Variants in DNAJB12 observed in about 807,000 individuals in gnomAD.
DNAJB12 encodes dnaJ homolog subfamily B member 12.
In DNAJB12, 14 loss-of-function variants were observed where a neutral mutation model predicts 40.6. The observed-to-expected ratio is 0.34, with a 90% CI of 0.23 to 0.54. The LOEUF (loss-of-function observed/expected upper bound fraction) is 0.54. DNAJB12 is among the 20% of genes least tolerant of loss of function. DNAJB12 has a pLI of 0.92. For synonymous variants in DNAJB12, 181 were observed against 199.5 expected (o/e 0.91, Z 0.78); for missense variants, 444 against 501.7 (o/e 0.89, Z 1.10).
chr10:72,347,630 G>A (rs1861825244), intron 1 of DNAJB12, among the ~76,000 whole-genome samples: 1 of 152,208 alleles, frequency 6.6e-6, no homozygotes, highest in Non-Finnish European at 1.5e-5. Context: ...TGAAAACCAA[G>A]CCCGGCTGGG....
In DNAJB12 at chr10:72,333,370, C is replaced by T. The variant is rs1861370302; in HGVS notation, c.*1278G>A. ...GGCAAGTGCTGTTTTAAGCAAAATCCTCATTTCAATGTGAGGGTAAGAAAA... is the reference window on the plus strand; with the variant it reads ...GGCAAGTGCTGTTTTAAGCAAAATCTTCATTTCAATGTGAGGGTAAGAAAA... On this transcript the variant is annotated 3_prime_UTR_variant, in exon 9 of 9. Transcript: ENST00000444643. 2 of 152,216 alleles carry T rather than the reference C, an allele frequency of 1.3e-5. No individual in the cohort carries two copies. Among genetic ancestry groups the T allele is most frequent in the African/African-American group, 2.4e-5 (1 of 41,440 alleles). The allele number at this position is 152,216 out of a possible 1,614,324, so 9.4% of individuals were successfully genotyped here. A position where few individuals can be genotyped will look rare whatever the true frequency, so the allele number is the denominator to read the frequency against.
At chr10:72,345,276 A>G in intron 1 of DNAJB12, 149 bp from the exon 2 acceptor site, 1 of 890,522 alleles carries the variant, frequency 1.1e-6, no homozygotes, top group Non-Finnish European at 1.7e-6. Flanking sequence ...GGGGACAGTC[A>G]TCTGCTCTCT....
chr10:72,345,393 G>C (rs1221056470), intron 1 of DNAJB12, among the ~76,000 whole-genome samples: 1 of 152,106 alleles, frequency 6.6e-6, no homozygotes, highest in Non-Finnish European at 1.5e-5. Context: ...CCTGAGGTCA[G>C]GAGTTTGAGA....
At position 72,343,411 on chromosome 10, in the gene DNAJB12, G is replaced by T; in HGVS notation, c.412C>A (p.His138Asn). 1 of 1,614,118 alleles carries T rather than the reference G, an allele frequency of 6.2e-7. No individual in the cohort carries two copies. Among genetic ancestry groups the T allele is most frequent in the East Asian group, 2.2e-5 (1 of 44,882 alleles). The change falls in exon 3 of 9, where the codon CAC becomes AAC. Residue 138 changes from histidine (H) to asparagine (N), a missense_variant. Transcript: ENST00000444643. ...CCAGGTGCGTGGTTCTTGTCTGGGT[G>T]GAATTTGAGGGCCAGTCTGCGGTAG... ...KAYRRLALKFHPDKNHAPGAT... is the reference protein window; with the variant it reads ...KAYRRLALKFNPDKNHAPGAT...
intron 3 of DNAJB12, among the ~76,000 whole-genome samples, chr10:72,341,726 C>T (rs887939072): frequency 6.6e-5 from 10 of 152,176 alleles, no homozygotes; most frequent in African/African-American, 1.2e-4. Flanking sequence ...CCCACCTTGG[C>T]CTCCCAAAGT....
intron 1 of DNAJB12, among the ~76,000 whole-genome samples, 181 bp downstream of exon 1, chr10:72,354,584 G>T (rs932697329): frequency 1.3e-5 from 2 of 152,164 alleles, no homozygotes; most frequent in Non-Finnish European, 2.9e-5. Context: ...CAGACGGCTC[G>T]CATCCCGCAG....
Position 72,343,320 on chromosome 10 carries a change from C to CA in DNAJB12, c.457+45dup, listed in dbSNP as rs760989454. ...TTGGTCCCTTACTCCCTGCCATGGA[C>CA]AGGAGATGAACACACCAAAATGCTA... On this transcript the variant is annotated intron_variant, in intron 3 of 8. Transcript: ENST00000444643. 1.3e-5 allele frequency: 21 copies of CA among 1,589,158 alleles called. 1 individual carries two copies. The South Asian group carries it at 1.8e-4, about 14-fold the overall frequency.
In DNAJB12 at chr10:72,334,471, T is replaced by C; in HGVS notation, c.*177A>G. On this transcript the variant is annotated 3_prime_UTR_variant, in exon 9 of 9. Transcript: ENST00000444643. The stretch of plus-strand genomic sequence containing the variant: ...CTGTCTGTCCTAAGAGCTTTCTGCA[T>C]TTACTGGGTGAGAGAGAGGGCAGCT... The C allele has an allele frequency of 7.8e-7, 1 of 1,274,798 alleles. No homozygotes were observed. Among genetic ancestry groups the C allele is most frequent in the East Asian group, 2.5e-5 (1 of 39,552 alleles). The allele number at this position is 1,274,798 out of a possible 1,614,324, so 79.0% of individuals were successfully genotyped here. A position where few individuals can be genotyped will look rare whatever the true frequency, so the allele number is the denominator to read the frequency against.
chr10:72,352,864 C>T lies in DNAJB12; in HGVS notation c.133+1901G>A, dbSNP rs57724896. 3.6e-3 allele frequency among the ~76,000 whole-genome samples: 553 copies of T among 152,198 alleles called. 3 individuals are homozygous for T. Among genetic ancestry groups the T allele is most frequent in the African/African-American group, 0.013 (524 of 41,522 alleles). ...TGAGCCTAAACCCAAAGCAATAGACCGCCACCTAATATATCTGTATTACTC... is the reference window on the plus strand; with the variant it reads ...TGAGCCTAAACCCAAAGCAATAGACTGCCACCTAATATATCTGTATTACTC... On this transcript the variant is annotated intron_variant, in intron 1 of 8. Transcript: ENST00000444643.
chr10:72,340,650 G>A, intron 5 of DNAJB12, 139 bp downstream of exon 5: 1 of 823,922 alleles, frequency 1.2e-6, no homozygotes, highest in Non-Finnish European at 1.9e-6. Context: ...GAGGCCCAGA[G>A]GGCTCCTTGG....
chr10:72,348,146 C>T (rs528675828), intron 1 of DNAJB12, among the ~76,000 whole-genome samples: 5 of 151,508 alleles, frequency 3.3e-5, no homozygotes, highest in East Asian at 2.0e-4. Context: ...CGCTTGAACC[C>T]GGGAGGCAGA....
intron 1 of DNAJB12, among the ~76,000 whole-genome samples, chr10:72,349,193 C>T (rs72808140): frequency 0.07 from 10,616 of 152,142 alleles, 744 homozygotes; most frequent in African/African-American, 0.18. Context: ...GGTTTCGTCA[C>T]GGTGGCGGAG....
intron 5 of DNAJB12, 54 bp downstream of exon 5, chr10:72,340,735 C>CT: frequency 6.4e-7 from 1 of 1,571,436 alleles, no homozygotes; most frequent in Non-Finnish European, 8.7e-7. Context: ...AGCCCCCTCC[C>CT]TGGGGTGGAT....
At chr10:72,336,761 G>A in intron 6 of DNAJB12, 65 bp from the exon 7 acceptor site, 5 of 1,460,982 alleles carry the variant, frequency 3.4e-6, no homozygotes, top group Non-Finnish European at 4.7e-6. Context: ...CTAGGGGTAT[G>A]GGCCCCAAGA....
chr10:72,334,617 T>A lies in DNAJB12; in HGVS notation c.*31A>T. 1 of 1,533,062 alleles carries A rather than the reference T, an allele frequency of 6.5e-7. No homozygotes were observed. 95.0% of individuals were successfully genotyped at this position (1,533,062 alleles called of 1,614,324 possible). ...CAAAAATTCTCCAGGGATTTCATAG[T>A]CTGGGGAGGAGAGTGGCAACAGTTA... On this transcript the variant is annotated splice_region_variant and 3_prime_UTR_variant, in exon 9 of 9. Transcript: ENST00000444643.
Position 72,335,750 on chromosome 10 carries a change from T to C in DNAJB12, c.*30+30A>G. ...TGACCAGGGCCAAAGCTGCCAGGAG[T>C]TGCAGGGTGGAGGCAGCCCTGGCTC... On this transcript the variant is annotated intron_variant, in intron 8 of 8. Transcript: ENST00000444643. This position sits in a 1 kb window ranked among gnomAD's most constrained non-coding sequence, Gnocchi z 4.4. 5.0e-6 allele frequency: 8 copies of C among 1,602,340 alleles called. No individual in the cohort carries two copies. The South Asian group carries it at 6.7e-5, about 13-fold the overall frequency.
intron 1 of DNAJB12, among the ~76,000 whole-genome samples, chr10:72,348,808 G>A (rs1289814538): frequency 6.6e-6 from 1 of 152,252 alleles, no homozygotes; most frequent in Non-Finnish European, 1.5e-5. Context: ...ACCCAGTGAT[G>A]TGTGTCAGGT....
intron 3 of DNAJB12, 44 bp from the exon 4 acceptor site, chr10:72,341,214 C>T (rs372789312): frequency 3.3e-5 from 52 of 1,563,870 alleles, no homozygotes; most frequent in African/African-American, 3.0e-4. Context: ...TCCTGGGGTG[C>T]GGGGGGAGGC....
Position 72,345,107 on chromosome 10 carries a change from G to GGTT in DNAJB12, c.151_153dup (p.Asn51dup). 1 of 1,612,870 alleles carries GGTT rather than the reference G, an allele frequency of 6.2e-7. No individual in the cohort carries two copies. Among genetic ancestry groups the GGTT allele is most frequent in the Non-Finnish European group, 8.5e-7 (1 of 1,179,314 alleles). ...TGGTCACCGGCAGTCTGTGGTTTCT[G>GGTT]GTTGAGGGACTCAATCAGGGCTGTG... On this transcript the variant is annotated inframe_insertion, in exon 2 of 9. Coordinates refer to ENST00000444643, the MANE Select transcript of DNAJB12 (RefSeq NM_017626.7).
Sources: allele counts gnomAD v4.1 joint callset (sites outside exome capture counted in the v4.1 genomes callset), GRCh38; gene constraint gnomAD v4.1.1; non-coding constraint Gnocchi (gnomAD v3.1); transcripts MANE v1.5; gene names NCBI Gene and HGNC (gene_info 2026-07-23, HGNC 2026-07-21).